SNX3: variants seen among roughly 807,000 people sequenced by gnomAD.
SNX3 encodes the protein sorting nexin-3.
A neutral mutation model predicts 17.7 loss-of-function variants in SNX3; 5 were observed. That is an observed-to-expected ratio of 0.28 (90% CI 0.15 to 0.59). The LOEUF (loss-of-function observed/expected upper bound fraction) is 0.59. SNX3 is among the 20% of genes least tolerant of loss of function. The probability of loss-of-function intolerance (pLI) is 0.88; values close to 1 mark genes in which losing one functional copy is unlikely to be tolerated. For synonymous variants in SNX3, 91 were observed against 76.5 expected, an observed-to-expected ratio of 1.19 and a Z score of -0.99; for missense variants, 132 against 206.8, an observed-to-expected ratio of 0.64 and a Z score of 2.22.
chr6:108,259,966 T>A (rs1011528281), intron 1 of SNX3, among the ~76,000 whole-genome samples: 3 of 152,354 alleles, frequency 2.0e-5, no homozygotes, highest in Admixed American at 2.0e-4. Flanking sequence ...GAAGCACTAT[T>A]TTCAATTAAC....
intron 1 of SNX3, chr6:108,252,100 A>AT: frequency 6.9e-6 from 1 of 144,994 alleles, no homozygotes; most frequent in African/African-American, 2.5e-5. Context: ...ACAAACAAAC[A>AT]AAAAAATGAA....
intron 1 of SNX3, among the ~76,000 whole-genome samples, chr6:108,223,753 C>T (rs1358413107): frequency 1.3e-5 from 2 of 152,124 alleles, no homozygotes; most frequent in African/African-American, 4.8e-5. Flanking sequence ...TCTGCTGCCT[C>T]GGCCTCCCAA....
intron 1 of SNX3, among the ~76,000 whole-genome samples, chr6:108,251,934 C>T (rs373915265): frequency 6.6e-6 from 1 of 151,716 alleles, no homozygotes; most frequent in South Asian, 2.1e-4. Context: ...TGGTGGTGCA[C>T]GACCTATATA....
intron 1 of SNX3, among the ~76,000 whole-genome samples, chr6:108,246,590 A>G (rs747227580): frequency 2.6e-5 from 4 of 150,950 alleles, no homozygotes; most frequent in African/African-American, 4.9e-5. Context: ...TCCACCTCCC[A>G]AAGTGCTGGG....
chr6:108,257,966 A>G (rs967623072), intron 1 of SNX3, among the ~76,000 whole-genome samples: 1 of 152,160 alleles, frequency 6.6e-6, no homozygotes, highest in Non-Finnish European at 1.5e-5. Flanking sequence ...CTGTCTCAAA[A>G]AGAATAAAAA....
chr6:108,245,736 C>T (rs547841035), intron 1 of SNX3, among the ~76,000 whole-genome samples: 5 of 152,210 alleles, frequency 3.3e-5, no homozygotes, highest in East Asian at 1.9e-4. Flanking sequence ...GTTTGTTGGC[C>T]GCATAAATGT....
chr6:108,227,542 C>T (rs1438873385), intron 1 of SNX3, among the ~76,000 whole-genome samples: 1 of 152,092 alleles, frequency 6.6e-6, no homozygotes, highest in African/African-American at 2.4e-5. Context: ...AAGTACTTTC[C>T]CTTCTATGAT....
At chr6:108,243,337 CAAGACTATCCTTCAAAAATAAAAATAT>C (rs1562434982) in intron 1 of SNX3, among the ~76,000 whole-genome samples, 2 of 152,074 alleles carry the variant, frequency 1.3e-5, no homozygotes, top group Non-Finnish European at 2.9e-5. Context: ...ATACATCTAA[CAAGACTATCCTTCAAAAATAAAAATAT>C]AAGACAGTCC....
At chr6:108,222,829 T>C (rs1012035722) in intron 2 of SNX3, 121 bp downstream of exon 2, 10 of 700,366 alleles carry the variant, frequency 1.4e-5, no homozygotes, top group Non-Finnish European at 2.0e-5. Flanking sequence ...CACTGAACTA[T>C]TTGAAAAAAA....
At position 108,252,902 on chromosome 6, in the gene SNX3, C is replaced by T. The variant is rs564134633; in HGVS notation, c.162+7858G>A. 2.0e-4 allele frequency among the ~76,000 whole-genome samples: 30 copies of T among 152,058 alleles called. No individual in the cohort carries two copies. The East Asian group carries it at 2.9e-3, about 15-fold the overall frequency. ...ATCCACCCGCCTCAGCCTCCCAAAG[C>T]GCTGGGATTACAGGCATGAGCCACC... On this transcript the variant is annotated intron_variant, in intron 1 of 3. Transcript: ENST00000230085.
intron 2 of SNX3, among the ~76,000 whole-genome samples, chr6:108,215,949 A>C (rs1774561041): frequency 6.6e-6 from 1 of 152,136 alleles, no homozygotes; most frequent in Admixed American, 6.6e-5. Flanking sequence ...AATTTTTAAA[A>C]ATGTTATTCT....
At chr6:108,250,076 A>C (rs1437718748) in intron 1 of SNX3, among the ~76,000 whole-genome samples, 1 of 152,054 alleles carries the variant, frequency 6.6e-6, no homozygotes, top group East Asian at 1.9e-4. Context: ...ACAGCTGGCT[A>C]ATTTTTGTAT....
intron 1 of SNX3, among the ~76,000 whole-genome samples, chr6:108,224,920 A>C (rs985543344): frequency 1.3e-5 from 2 of 152,188 alleles, no homozygotes; most frequent in African/African-American, 4.8e-5. Context: ...TTGCCACTTC[A>C]GTCAACTTCT....
chr6:108,235,419 C>T (rs193142151), intron 1 of SNX3, among the ~76,000 whole-genome samples: 27 of 152,278 alleles, frequency 1.8e-4, no homozygotes, highest in Non-Finnish European at 3.8e-4. Flanking sequence ...AAGACCTGAC[C>T]AAACTGTAGA....
intron 2 of SNX3, among the ~76,000 whole-genome samples, chr6:108,215,614 G>T (rs1263564541): frequency 1.3e-5 from 2 of 152,114 alleles, no homozygotes; most frequent in Non-Finnish European, 2.9e-5. Flanking sequence ...AACTCCTGCT[G>T]ATCTCTCCCT....
chr6:108,260,671 G>C, intron 1 of SNX3, 89 bp downstream of exon 1: 1 of 1,483,790 alleles, frequency 6.7e-7, no homozygotes, highest in Admixed American at 1.8e-5. Flanking sequence ...GGAGGCTGTG[G>C]CTGCCCGCGG....
chr6:108,241,211 G>C (rs1213748028), intron 1 of SNX3, among the ~76,000 whole-genome samples: 2 of 149,768 alleles, frequency 1.3e-5, no homozygotes, highest in Non-Finnish European at 3.0e-5. Context: ...CTCAGCTGGA[G>C]AGAACCCTAG....
At chr6:108,213,566 C>T (rs1483607441) in intron 3 of SNX3, among the ~76,000 whole-genome samples, 1 of 151,172 alleles carries the variant, frequency 6.6e-6, no homozygotes, top group Non-Finnish European at 1.5e-5. Context: ...GCATGAGAAT[C>T]ACTTGAACCT....
intron 3 of SNX3, among the ~76,000 whole-genome samples, chr6:108,213,013 G>A (rs543659932): frequency 6.7e-6 from 1 of 150,312 alleles, no homozygotes; most frequent in African/African-American, 2.5e-5. Flanking sequence ...ACAGCCTCCT[G>A]AGTAGCTGGG....
Sources: allele counts gnomAD v4.1 joint callset (sites outside exome capture counted in the v4.1 genomes callset), GRCh38; gene constraint gnomAD v4.1.1; transcripts MANE v1.5; gene names NCBI Gene and HGNC (gene_info 2026-07-23, HGNC 2026-07-21).